FOSB: variants seen among roughly 807,000 people sequenced by gnomAD.
FOSB encodes the protein FosB proto-oncogene, AP-1 transcription factor subunit.
A neutral mutation model predicts 31.1 loss-of-function variants in FOSB; 8 were observed. The observed-to-expected ratio is 0.26, with a 90% confidence interval of 0.15 to 0.46. The LOEUF (loss-of-function observed/expected upper bound fraction) is 0.46. Among genes scored for constraint, FOSB ranks in the 20% least tolerant of loss-of-function variants. The probability of loss-of-function intolerance (pLI) is 0.99; values close to 1 mark genes in which losing one functional copy is unlikely to be tolerated. For synonymous variants in FOSB, 214 were observed against 206.1 expected (o/e 1.04, Z -0.33); for missense variants, 376 against 460.6 (o/e 0.82, Z 1.68).
Position 45,468,483 on chromosome 19 carries a change from C to T in FOSB, c.-104C>T. The T allele has an allele frequency of 7.6e-7, 1 of 1,321,400 alleles. No homozygotes were observed. Among genetic ancestry groups the T allele is most frequent in the South Asian group, 1.4e-5 (1 of 70,346 alleles). The allele number at this position is 1,321,400 out of a possible 1,614,324, so 81.9% of individuals were successfully genotyped here. On this transcript the variant is annotated 5_prime_UTR_variant, in exon 1 of 4. Transcript: ENST00000353609. The surrounding 1 kb of genome is among the most constrained non-coding windows in gnomAD (Gnocchi z 4.8). ...GACTCGCTCAGCTCACCGGGGACTC[C>T]CACGGCTCACCCCGGACTTGCACCT... is the stretch of plus-strand genomic sequence containing the variant.
rs976913490 is a variant in FOSB at position 45,468,992 on chromosome 19, GCGGGGCTGAGAACTTTGAGCCGGCCC to G, written c.126+285_126+310del. On this transcript the variant is annotated intron_variant, in intron 1 of 3. Transcript: ENST00000353609. The surrounding 1 kb of genome is among the most constrained non-coding windows in gnomAD (Gnocchi z 4.8). ...TGCTCAATGCAACGTGTATGCGGTA[GCGGGGCTGAGAACTTTGAGCCGGCCC>G]CGGGACTGCCCCCTGCTCGGGTCCC... 2.6e-5 allele frequency among the ~76,000 whole-genome samples: 4 copies of G among 152,236 alleles called. No individual in the cohort carries two copies. The highest frequency in any genetic ancestry group is 9.6e-5 in the African/African-American group (4 of 41,462).
chr19:45,469,270 A>C (rs1043693999), intron 1 of FOSB, among the ~76,000 whole-genome samples: 1 of 152,044 alleles, frequency 6.6e-6, no homozygotes, highest in Non-Finnish European at 1.5e-5. Context: ...CCTCCGTCTG[A>C]CGCGGGGCAC....
Position 45,473,228 on chromosome 19 carries a change from G to C in FOSB, c.*216G>C. ...CCTCTTGTTTCTGTGCCCCGGCGAG[G>C]CCGGAGAGCTGGTGACTTTGGGGAC... On this transcript the variant is annotated 3_prime_UTR_variant, in exon 4 of 4. Coordinates refer to ENST00000353609, the MANE Select transcript of FOSB (RefSeq NM_006732.3). 1.8e-6 allele frequency: 1 copy of C among 545,322 alleles called. No homozygotes were observed. The highest frequency in any genetic ancestry group is 2.3e-5 in the South Asian group (1 of 44,418). 33.8% of individuals were successfully genotyped at this position (545,322 alleles called of 1,614,324 possible). A position where few individuals can be genotyped will look rare whatever the true frequency, so the allele number is the denominator to read the frequency against.
chr19:45,471,624 A>C, intron 3 of FOSB: 1 of 227,734 alleles, frequency 4.4e-6, no homozygotes, highest in Non-Finnish European at 8.9e-6. Flanking sequence ...GCAAGTAACA[A>C]CCCATTTTGC....
Position 45,468,802 on chromosome 19 carries a change from C to T in FOSB, c.126+90C>T, listed in dbSNP as rs750549742. The T allele has an allele frequency of 2.8e-4, 368 of 1,335,926 alleles. No individual in the cohort carries two copies. The highest frequency in any genetic ancestry group is 3.5e-4 in the Non-Finnish European group (347 of 997,740). The allele number at this position is 1,335,926 out of a possible 1,614,324, so 82.8% of individuals were successfully genotyped here. A position where few individuals can be genotyped will look rare whatever the true frequency, so the allele number is the denominator to read the frequency against. ...ATAAACCCCAACCCCCACAAAAAGGCGCATCAGAACCCTAGATCTGAGATG... is the reference window on the plus strand; with the variant it reads ...ATAAACCCCAACCCCCACAAAAAGGTGCATCAGAACCCTAGATCTGAGATG... On this transcript the variant is annotated intron_variant, in intron 1 of 3. Transcript: ENST00000353609. The surrounding 1 kb of genome is among the most constrained non-coding windows in gnomAD (Gnocchi z 4.8).
In FOSB at chr19:45,472,821, C is replaced by T; in HGVS notation, c.826C>T (p.Leu276=). The T allele has an allele frequency of 2.5e-6, 4 of 1,614,244 alleles. No homozygotes were observed. Among genetic ancestry groups the T allele is most frequent in the Non-Finnish European group, 3.4e-6 (4 of 1,180,036 alleles). The change falls in exon 4 of 4, where the codon CTG becomes TTG. Residue 276 remains leucine, a synonymous_variant. Transcript: ENST00000353609. The surrounding 1 kb of genome is among the most constrained non-coding windows in gnomAD (Gnocchi z 5.4). ...FQTSQDAPPN[L]TASLFTHSEV... ...GACCAGCCAAGACGCACCCCCCAAC[C>T]TGACGGCTTCTCTCTTTACACACAG...
rs1967796877 is a variant in FOSB, at chr19:45,474,859, C to T, written c.*1847C>T. 6.6e-6 allele frequency: 1 copy of T among 152,112 alleles called. No individual in the cohort carries two copies. Among genetic ancestry groups the T allele is most frequent in the Non-Finnish European group, 1.5e-5 (1 of 68,036 alleles). 9.4% of individuals were successfully genotyped at this position (152,112 alleles called of 1,614,324 possible). A position where few individuals can be genotyped will look rare whatever the true frequency, so the allele number is the denominator to read the frequency against. On this transcript the variant is annotated 3_prime_UTR_variant, in exon 4 of 4. Coordinates refer to ENST00000353609, the MANE Select transcript of FOSB (RefSeq NM_006732.3). The stretch of plus-strand genomic sequence containing the variant: ...TTCACTTGTCTCCTTTCTGACTGTC[C>T]CTGCCAATGCTCCAGCTGTCGTCTG...
Position 45,468,851 on chromosome 19 carries a change from C to A in FOSB, c.126+139C>A. 4.2e-6 allele frequency: 4 copies of A among 952,940 alleles called. No homozygotes were observed. The highest frequency in any genetic ancestry group is 4.5e-6 in the Non-Finnish European group (3 of 665,074). The allele number at this position is 952,940 out of a possible 1,614,324, so 59.0% of individuals were successfully genotyped here. Reference sequence around the variant, plus strand: ...TGGAAAAGGCTCACAGCGCACTTTGCAAACTGCAAAGAGTCGGGAGATGTT... The same window carrying A: ...TGGAAAAGGCTCACAGCGCACTTTGAAAACTGCAAAGAGTCGGGAGATGTT... On this transcript the variant is annotated intron_variant, in intron 1 of 3. Transcript: ENST00000353609. The surrounding 1 kb of genome is among the most constrained non-coding windows in gnomAD (Gnocchi z 4.8).
At chr19:45,471,134 C>A in intron 2 of FOSB, 60 bp from the exon 3 acceptor site, 1 of 1,446,194 alleles carries the variant, frequency 6.9e-7, no homozygotes, top group Non-Finnish European at 9.5e-7. Context: ...AGTAGAGGTT[C>A]GGGATGGGTG....
In FOSB at chr19:45,470,989, A is replaced by G. The variant is rs775746050; in HGVS notation, c.447+40A>G. The G allele has an allele frequency of 7.9e-5, 126 of 1,594,628 alleles. No individual in the cohort carries two copies. The Middle Eastern group carries it at 8.3e-4, about 10-fold the overall frequency. On this transcript the variant is annotated intron_variant, in intron 2 of 3. Coordinates refer to ENST00000353609, the MANE Select transcript of FOSB (RefSeq NM_006732.3). ...TCAGAACTTGGCCTGGGTAGGGGGA[A>G]GCAAGAGAGGCAGGAAGTTTCTTAT...
In FOSB at chr19:45,468,628, G is replaced by A; in HGVS notation, c.42G>A (p.Arg14=). The change falls in exon 1 of 4, where the codon CGG becomes CGA. Residue 14 remains arginine, a synonymous_variant. Transcript: ENST00000353609. This position sits in a 1 kb window ranked among gnomAD's most constrained non-coding sequence, Gnocchi z 4.8. ...CCGGAGACTACGACTCCGGCTCCCGGTGCAGCTCCTCACCCTCTGCCGAGT... is the reference window on the plus strand; with the variant it reads ...CCGGAGACTACGACTCCGGCTCCCGATGCAGCTCCTCACCCTCTGCCGAGT... ...AFPGDYDSGS[R]CSSSPSAESQ... 1 of 1,613,554 alleles carries A rather than the reference G, an allele frequency of 6.2e-7. No homozygotes were observed. The highest frequency in any genetic ancestry group is 8.5e-7 in the Non-Finnish European group (1 of 1,179,882).
At chr19:45,469,447 T>C (rs985630814) in intron 1 of FOSB, among the ~76,000 whole-genome samples, 1 of 152,106 alleles carries the variant, frequency 6.6e-6, no homozygotes, top group African/African-American at 2.4e-5. Context: ...ATTTGTAGGG[T>C]GCATTTTCCT....
At position 45,470,772 on chromosome 19, in the gene FOSB, G is replaced by T. The variant is rs746697548; in HGVS notation, c.270G>T (p.Gln90His). The T allele has an allele frequency of 6.2e-7, 1 of 1,613,814 alleles. No individual in the cohort carries two copies. Among genetic ancestry groups the T allele is most frequent in the Admixed American group, 1.7e-5 (1 of 60,022 alleles). The change falls in exon 2 of 4, where the codon CAG (glutamine) becomes CAT (histidine). Residue 90 changes from glutamine (Q) to histidine (H), a missense_variant. This residue lies in a region of FOSB where 193 missense variants were observed against 207.1 expected (regional missense o/e 0.93). Coordinates refer to ENST00000353609, the MANE Select transcript of FOSB (RefSeq NM_006732.3). ...AQSQGQPLAS[Q>H]PPVVDPYDMP... ...CCCAGGGGCAGCCACTGGCCTCCCA[G>T]CCCCCGGTCGTCGACCCCTACGACA...
At position 45,468,446 on chromosome 19, in the gene FOSB, G is replaced by C. The variant is rs1409173430; in HGVS notation, c.-141G>C. On this transcript the variant is annotated 5_prime_UTR_variant, in exon 1 of 4. Coordinates refer to ENST00000353609, the MANE Select transcript of FOSB (RefSeq NM_006732.3). This position sits in a 1 kb window ranked among gnomAD's most constrained non-coding sequence, Gnocchi z 4.8. Reference sequence around the variant, plus strand: ...CTCCTTCCCCGAGCTTCCCCGGACAGCGTACTTTGAGGACTCGCTCAGCTC... The same window carrying C: ...CTCCTTCCCCGAGCTTCCCCGGACACCGTACTTTGAGGACTCGCTCAGCTC... The C allele has an allele frequency of 8.4e-5, 73 of 866,928 alleles. 1 individual carries two copies. In the East Asian group the frequency reaches 1.9e-3, roughly 22 times the overall value. 53.7% of individuals were successfully genotyped at this position (866,928 alleles called of 1,614,324 possible).
At chr19:45,469,463 C>A (rs569980426) in intron 1 of FOSB, among the ~76,000 whole-genome samples, 13 of 152,220 alleles carry the variant, frequency 8.5e-5, no homozygotes, top group Non-Finnish European at 1.8e-4. Flanking sequence ...TTCCTTCCCC[C>A]CTCTCTGTCC....
Position 45,472,637 on chromosome 19 carries a change from G to A in FOSB, c.642G>A (p.Val214=). Residue 214 remains valine (V), a synonymous_variant, in exon 4 of 4, where the codon GTG becomes GTA. Transcript: ENST00000353609. This position sits in a 1 kb window ranked among gnomAD's most constrained non-coding sequence, Gnocchi z 5.4. ...AGGAGAAGGAACGTCTGGAGTTTGT[G>A]CTGGTGGCCCACAAACCGGGCTGCA... ...LQKEKERLEF[V]LVAHKPGCKI... 1.9e-6 allele frequency: 3 copies of A among 1,581,850 alleles called. No homozygotes were observed. Among genetic ancestry groups the A allele is most frequent in the African/African-American group, 1.4e-5 (1 of 73,422 alleles).
In FOSB at chr19:45,473,971, T is replaced by G. The variant is rs577640971; in HGVS notation, c.*959T>G. ...ACCTCTGGGGGGATAATGTCCCCAC[T>G]CCCGAAAGCCTTTCCTCGGTCTCCC... On this transcript the variant is annotated 3_prime_UTR_variant, in exon 4 of 4. Transcript: ENST00000353609. The G allele has an allele frequency of 1.3e-5, 2 of 152,818 alleles. No homozygotes were observed. The highest frequency in any genetic ancestry group is 2.4e-5 in the African/African-American group (1 of 41,390). 9.5% of individuals were successfully genotyped at this position (152,818 alleles called of 1,614,324 possible). A position where few individuals can be genotyped will look rare whatever the true frequency, so the allele number is the denominator to read the frequency against.
chr19:45,472,628 G>T lies in FOSB; in HGVS notation c.633G>T (p.Leu211=), dbSNP rs1476881181. The T allele has an allele frequency of 6.4e-7, 1 of 1,571,044 alleles. No homozygotes were observed. Among genetic ancestry groups the T allele is most frequent in the Non-Finnish European group, 8.6e-7 (1 of 1,161,722 alleles). ...IAELQKEKER[L]EFVLVAHKPG... Reference sequence around the variant, plus strand: ...AGCTCCAAAAGGAGAAGGAACGTCTGGAGTTTGTGCTGGTGGCCCACAAAC... The same window carrying T: ...AGCTCCAAAAGGAGAAGGAACGTCTTGAGTTTGTGCTGGTGGCCCACAAAC... Residue 211 remains leucine, a synonymous_variant, in exon 4 of 4, where the codon CTG becomes CTT. Coordinates refer to ENST00000353609, the MANE Select transcript of FOSB (RefSeq NM_006732.3). The surrounding 1 kb of genome is among the most constrained non-coding windows in gnomAD (Gnocchi z 5.4).
intron 3 of FOSB, 104 bp downstream of exon 3, chr19:45,471,405 C>T (rs976613476): frequency 1.9e-5 from 16 of 856,484 alleles, no homozygotes; most frequent in East Asian, 1.3e-4. Flanking sequence ...GAGAACTAGA[C>T]GTTCCACACA....
Sources: allele counts gnomAD v4.1 joint callset (sites outside exome capture counted in the v4.1 genomes callset), GRCh38; gene constraint gnomAD v4.1.1; regional missense constraint gnomAD v4.1.1; non-coding constraint Gnocchi (gnomAD v3.1); transcripts MANE v1.5; gene names NCBI Gene and HGNC (gene_info 2026-07-23, HGNC 2026-07-21).